The following TIAM1 variants were observed in gnomAD, a reference collection of about 807,000 sequenced individuals.
TIAM1 encodes rho guanine nucleotide exchange factor TIAM1.
In TIAM1, 65 loss-of-function variants were observed where a neutral mutation model predicts 163.5. The observed-to-expected ratio is 0.40, with a 90% confidence interval of 0.33 to 0.49. The LOEUF is 0.49. Among genes scored for constraint, TIAM1 ranks in the 20% least tolerant of loss-of-function variants. The probability of loss-of-function intolerance (pLI) is 0.77; values close to 1 mark genes in which losing one functional copy is unlikely to be tolerated. For missense variants in TIAM1, 1,789 were observed against 2,044.7 expected (o/e 0.87, Z 2.41); for synonymous variants, 833 against 810.1 (o/e 1.03, Z -0.48).
chr21:31,516,077 C>T (rs1461265830), intron 1 of TIAM1, among the ~76,000 whole-genome samples: 2 of 141,552 alleles, frequency 1.4e-5, no homozygotes, highest in Non-Finnish European at 3.0e-5. Context: ...CACCACACTC[C>T]GGCATGGGAG....
At chr21:31,281,482 T>C (rs1400982880) in intron 2 of TIAM1, among the ~76,000 whole-genome samples, 1 of 152,202 alleles carries the variant, frequency 6.6e-6, no homozygotes, top group African/African-American at 2.4e-5. Flanking sequence ...AACCAGTAGT[T>C]TAATGACAAT....
chr21:31,461,179 G>A (rs550544549), intron 2 of TIAM1, among the ~76,000 whole-genome samples: 15 of 152,172 alleles, frequency 9.9e-5, no homozygotes, highest in African/African-American at 2.9e-4. Flanking sequence ...ACAGCGAATC[G>A]GGTCTCAAAA....
intron 2 of TIAM1, among the ~76,000 whole-genome samples, chr21:31,296,374 A>G (rs2074266735): frequency 6.6e-6 from 1 of 152,200 alleles, no homozygotes; most frequent in Non-Finnish European, 1.5e-5. Context: ...TCGACTATTT[A>G]TATGTGAAGT....
chr21:31,167,253 G>A (rs1001508119), intron 15 of TIAM1, among the ~76,000 whole-genome samples: 30 of 151,946 alleles, frequency 2.0e-4, no homozygotes, highest in South Asian at 1.2e-3. Flanking sequence ...CACCATGTCC[G>A]GCTAACTTTT....
rs1010831494 is a variant in TIAM1, at chr21:31,485,613, C to T, written c.-421-21578G>A. ...CAGCAGCCGCCATTGTATCAGGAACCTCAATAAGCTCTCACATCCTCAGAG... is the reference window on the plus strand; with the variant it reads ...CAGCAGCCGCCATTGTATCAGGAACTTCAATAAGCTCTCACATCCTCAGAG... On this transcript the variant is annotated intron_variant, in intron 1 of 28. Transcript: ENST00000286827. Among the ~76,000 whole-genome samples, 13 of 152,122 alleles carry T rather than the reference C, an allele frequency of 8.5e-5. No individual in the cohort carries two copies. In the South Asian group the frequency reaches 1.0e-3, roughly 12 times the overall value.
At chr21:31,442,758 C>T (rs916275369) in intron 2 of TIAM1, among the ~76,000 whole-genome samples, 11 of 152,198 alleles carry the variant, frequency 7.2e-5, no homozygotes, top group African/African-American at 2.7e-4. Context: ...AAAGAGGGCT[C>T]AGAGGAGCCT....
chr21:31,250,647 C>A (rs974283291), intron 5 of TIAM1, among the ~76,000 whole-genome samples: 1 of 152,222 alleles, frequency 6.6e-6, no homozygotes, highest in African/African-American at 2.4e-5. Flanking sequence ...TTGTGCCCTT[C>A]CATCAATCCT....
chr21:31,122,731 G>C (rs947593994), intron 27 of TIAM1, among the ~76,000 whole-genome samples: 6 of 152,188 alleles, frequency 3.9e-5, no homozygotes, highest in African/African-American at 1.4e-4. Flanking sequence ...TAGCCAAACA[G>C]AACAGAGGGA....
intron 1 of TIAM1, among the ~76,000 whole-genome samples, chr21:31,543,188 A>G (rs2048373608): frequency 6.6e-6 from 1 of 152,132 alleles, no homozygotes; most frequent in Admixed American, 6.6e-5. Flanking sequence ...CTCATCAGCA[A>G]CTAAGAGAAA....
chr21:31,225,188 T>C (rs750090366), intron 7 of TIAM1, among the ~76,000 whole-genome samples: 6 of 152,010 alleles, frequency 3.9e-5, no homozygotes, highest in Non-Finnish European at 8.8e-5. Context: ...TTTGTAGAGA[T>C]AGGGTTTTGC....
intron 15 of TIAM1, among the ~76,000 whole-genome samples, chr21:31,170,797 G>A (rs986510264): frequency 6.6e-6 from 1 of 151,980 alleles, no homozygotes; most frequent in Non-Finnish European, 1.5e-5. Context: ...CAGCACTTTG[G>A]GAGGCAGAGG....
chr21:31,224,313 T>C (rs2087802594), intron 7 of TIAM1, among the ~76,000 whole-genome samples: 1 of 152,212 alleles, frequency 6.6e-6, no homozygotes, highest in African/African-American at 2.4e-5. Flanking sequence ...CACATGTTCA[T>C]AGCAGCACTG....
At chr21:31,448,459 A>C (rs2147318485) in intron 2 of TIAM1, among the ~76,000 whole-genome samples, 1 of 152,244 alleles carries the variant, frequency 6.6e-6, no homozygotes, top group East Asian at 1.9e-4. Flanking sequence ...CAAAAGAATT[A>C]GCTAGGCGTG....
At chr21:31,335,383 A>T (rs536807706) in intron 2 of TIAM1, among the ~76,000 whole-genome samples, 1 of 152,306 alleles carries the variant, frequency 6.6e-6, no homozygotes, top group East Asian at 1.9e-4. Context: ...GTGAAATGCT[A>T]GGAGGAATTG....
At chr21:31,123,409 A>G (rs563994496) in intron 27 of TIAM1, among the ~76,000 whole-genome samples, 108 of 152,352 alleles carry the variant, frequency 7.1e-4, no homozygotes, top group African/African-American at 2.3e-3. Context: ...ATATGGACGT[A>G]TGAAAGACTC....
At chr21:31,468,391 G>A (rs1001535093) in intron 1 of TIAM1, among the ~76,000 whole-genome samples, 6 of 151,996 alleles carry the variant, frequency 3.9e-5, no homozygotes, top group Admixed American at 1.3e-4. Context: ...GCTGAGGCAG[G>A]AGAATCGCTT....
intron 2 of TIAM1, among the ~76,000 whole-genome samples, chr21:31,429,971 C>G (rs1399271687): frequency 1.3e-5 from 2 of 152,038 alleles, no homozygotes; most frequent in Non-Finnish European, 2.9e-5. Context: ...TTTGGGAGGC[C>G]TAGGCAGGTG....
intron 2 of TIAM1, among the ~76,000 whole-genome samples, chr21:31,393,723 T>C (rs2077006044): frequency 6.6e-6 from 1 of 152,192 alleles, no homozygotes; most frequent in African/African-American, 2.4e-5. Context: ...ATGTGGAGTA[T>C]CATAAAAAGT....
At chr21:31,221,844 G>A (rs575132777) in intron 8 of TIAM1, among the ~76,000 whole-genome samples, 1 of 152,290 alleles carries the variant, frequency 6.6e-6, no homozygotes, top group East Asian at 1.9e-4. Context: ...CAGAATAGGC[G>A]AACTGAGATT....
Sources: allele counts gnomAD v4.1 joint callset (sites outside exome capture counted in the v4.1 genomes callset), GRCh38; gene constraint gnomAD v4.1.1; transcripts MANE v1.5; gene names NCBI Gene and HGNC (gene_info 2026-07-23, HGNC 2026-07-21).